Variants in AMTN observed in about 807,000 individuals in gnomAD.
AMTN encodes the protein amelotin.
A neutral mutation model predicts 27.4 loss-of-function variants in AMTN; 29 were observed. That is an observed-to-expected ratio of 1.06 (90% CI 0.79 to 1.44). The LOEUF is 1.44. AMTN is among the 40% of genes most tolerant of loss of function. The pLI is 0.00. For missense variants in AMTN, 247 were observed against 248.8 expected (o/e 0.99, Z 0.05); for synonymous variants, 86 against 95.7 (o/e 0.90, Z 0.59).
intron 5 of AMTN, 126 bp downstream of exon 5, chr4:70,525,087 T>G (rs1736073445): frequency 1.3e-6 from 1 of 757,794 alleles, no homozygotes; most frequent in East Asian, 2.7e-5. Flanking sequence ...ACGAATGTTC[T>G]GCTGAACATA....
At chr4:70,531,673 G>A (rs565031580) in intron 8 of AMTN, among the ~76,000 whole-genome samples, 1 of 152,148 alleles carries the variant, frequency 6.6e-6, no homozygotes, top group South Asian at 2.1e-4. Context: ...CACCACAGCT[G>A]GCTAATTTTT....
chr4:70,531,377 T>G (rs1736220758), intron 8 of AMTN, 77 bp downstream of exon 8: 1 of 1,563,320 alleles, frequency 6.4e-7, no homozygotes, highest in African/African-American at 1.4e-5. Context: ...GTTCTTTGTC[T>G]TGCCTTGACA....
At chr4:70,531,654 G>A (rs1736227542) in intron 8 of AMTN, among the ~76,000 whole-genome samples, 1 of 152,104 alleles carries the variant, frequency 6.6e-6, no homozygotes. Flanking sequence ...TAGGATTACA[G>A]GCGCACATCA....
At chr4:70,527,598 T>C (rs554115780) in intron 5 of AMTN, among the ~76,000 whole-genome samples, 1 of 152,332 alleles carries the variant, frequency 6.6e-6, no homozygotes, top group Admixed American at 6.5e-5. Flanking sequence ...GTTCCATAAT[T>C]CCTGCACCAA....
rs369670690 is a variant in AMTN at position 70,524,917 on chromosome 4, T to A, written c.250T>A (p.Leu84Met). 6.2e-7 allele frequency: 1 copy of A among 1,614,040 alleles called. No individual in the cohort carries two copies. ...GACACCTGGTACCCAGACCCACCCATTGACCCTGGGAGGGTTGAATGTACA... is the reference window on the plus strand; with the variant it reads ...GACACCTGGTACCCAGACCCACCCAATGACCCTGGGAGGGTTGAATGTACA... ...GMTPGTQTHP[L>M]TLGGLNVQQQ... The change falls in exon 5 of 9, where the codon TTG (leucine) becomes ATG (methionine). Residue 84 changes from leucine (L) to methionine (M), a missense_variant. Physicochemically the swap from Leu to Met is conservative, Grantham distance 15 (BLOSUM62 2). Transcript: ENST00000339336.
chr4:70,530,470 A>T (rs954423079), intron 7 of AMTN, among the ~76,000 whole-genome samples: 8 of 152,162 alleles, frequency 5.3e-5, no homozygotes, highest in African/African-American at 1.9e-4. Flanking sequence ...CCCAAACTTC[A>T]TTCCTTGCCC....
chr4:70,524,457 T>C (rs1307287838), intron 4 of AMTN, among the ~76,000 whole-genome samples: 1 of 152,200 alleles, frequency 6.6e-6, no homozygotes, highest in Non-Finnish European at 1.5e-5. Context: ...TAGCTCATGT[T>C]CCAGACAAAA....
intron 2 of AMTN, among the ~76,000 whole-genome samples, chr4:70,519,401 G>C (rs1735898129): frequency 6.6e-6 from 1 of 152,110 alleles, no homozygotes; most frequent in African/African-American, 2.4e-5. Context: ...TTATTTTGTA[G>C]ACATAGGGAT....
Sources: gnomAD v4.1 joint callset for allele counts (sites outside exome capture counted in the v4.1 genomes callset) on GRCh38, gnomAD v4.1.1 for gene constraint, MANE v1.5 for transcripts, NCBI Gene and HGNC (gene_info 2026-07-23, HGNC 2026-07-21) for gene names.